RAD51B: variants seen among roughly 807,000 people sequenced by gnomAD.
RAD51B encodes the protein DNA repair protein RAD51 homolog 2.
Under a neutral mutation model 42.2 loss-of-function variants are expected in RAD51B, and 38 were observed. The ratio of observed to expected loss-of-function variants is 0.90; its 90% CI spans 0.70 to 1.18. The LOEUF is 1.18. Ranked by LOEUF, RAD51B falls within the 50% of genes most tolerant of loss-of-function variation. The pLI is 0.00. For synonymous variants in RAD51B, 154 were observed against 145.2 expected (o/e 1.06, Z -0.43); for missense variants, 373 against 400.7 (o/e 0.93, Z 0.59).
At chr14:68,257,359 A>G (rs2139525438) in intron 7 of RAD51B, among the ~76,000 whole-genome samples, 1 of 152,320 alleles carries the variant, frequency 6.6e-6, no homozygotes, top group East Asian at 1.9e-4. Flanking sequence ...ATTACGCTAC[A>G]TATTTTACCA....
intron 9 of RAD51B, among the ~76,000 whole-genome samples, chr14:68,446,612 G>A (rs1432682432): frequency 6.6e-6 from 1 of 152,156 alleles, no homozygotes; most frequent in Non-Finnish European, 1.5e-5. Flanking sequence ...AACAATAAGA[G>A]TTGCTAAATT....
intron 8 of RAD51B, among the ~76,000 whole-genome samples, chr14:68,410,281 A>G (rs1165739339): frequency 6.6e-6 from 1 of 152,100 alleles, no homozygotes; most frequent in Non-Finnish European, 1.5e-5. Flanking sequence ...CAGTTAGTAG[A>G]CCACCCTGAA....
At chr14:68,291,375 G>A (rs746611245) in intron 7 of RAD51B, among the ~76,000 whole-genome samples, 2 of 151,116 alleles carry the variant, frequency 1.3e-5, no homozygotes, top group Non-Finnish European at 1.5e-5. Context: ...GACTAATTTT[G>A]TATTTTTAGT....
chr14:68,621,852 A>C (rs1280291174), intron 10 of RAD51B, among the ~76,000 whole-genome samples: 1 of 152,258 alleles, frequency 6.6e-6, no homozygotes, highest in Non-Finnish European at 1.5e-5. Flanking sequence ...GGTTCTGTGC[A>C]CAGTGACAAT....
rs2082266616 is a variant in RAD51B at position 68,327,221 on chromosome 14, C to A, written c.853+35241C>A. On this transcript the variant is annotated intron_variant, in intron 8 of 10. Transcript: ENST00000471583. ...GATTTAAAGTATTTCTGCCATAGTT[C>A]TTAAACTATCAATCTGATGATGTCA... is the stretch of plus-strand genomic sequence containing the variant. Among the ~76,000 whole-genome samples the A allele has an allele frequency of 2.0e-5, 3 of 152,108 alleles. 1 individual carries two copies. Among genetic ancestry groups the A allele is most frequent in the Admixed American group, 2.0e-4 (3 of 15,288 alleles).
intron 9 of RAD51B, among the ~76,000 whole-genome samples, chr14:68,444,191 C>T (rs1373589271): frequency 1.3e-5 from 2 of 152,230 alleles, no homozygotes; most frequent in Non-Finnish European, 2.9e-5. Context: ...CAAGTCACAG[C>T]ACAGTGCCTG....
At chr14:68,604,982 C>G (rs1294169674) in intron 10 of RAD51B, among the ~76,000 whole-genome samples, 1 of 152,214 alleles carries the variant, frequency 6.6e-6, no homozygotes, top group East Asian at 1.9e-4. Context: ...CTGCTGGCAT[C>G]AAGCCAGCAA....
intron 7 of RAD51B, among the ~76,000 whole-genome samples, chr14:68,122,983 A>G (rs1378005833): frequency 6.6e-6 from 1 of 151,850 alleles, no homozygotes; most frequent in Non-Finnish European, 1.5e-5. Context: ...ACACACACAG[A>G]CACACACACA....
intron 7 of RAD51B, among the ~76,000 whole-genome samples, chr14:67,989,385 C>T (rs1481003827): frequency 1.3e-5 from 2 of 151,882 alleles, no homozygotes; most frequent in African/African-American, 2.4e-5. Flanking sequence ...GCCTGTAATC[C>T]CAGCACTTTG....
chr14:68,438,631 A>G (rs1020416696), intron 9 of RAD51B, among the ~76,000 whole-genome samples: 1 of 152,162 alleles, frequency 6.6e-6, no homozygotes, highest in Admixed American at 6.5e-5. Flanking sequence ...ACCACTGTTT[A>G]TAGCACATCA....
chr14:68,036,988 G>T (rs866361615), intron 7 of RAD51B, among the ~76,000 whole-genome samples: 1 of 147,502 alleles, frequency 6.8e-6, no homozygotes. Context: ...ATCCATAATT[G>T]CTGATTGGGA....
intron 8 of RAD51B, among the ~76,000 whole-genome samples, chr14:68,410,334 A>G (rs2084383636): frequency 6.6e-6 from 1 of 152,170 alleles, no homozygotes; most frequent in South Asian, 2.1e-4. Context: ...CCTACTCCAC[A>G]CTGAGGCGTA....
intron 7 of RAD51B, among the ~76,000 whole-genome samples, chr14:68,267,502 AT>A (rs1284414614): frequency 1.3e-5 from 2 of 152,158 alleles, no homozygotes; most frequent in Non-Finnish European, 2.9e-5. Flanking sequence ...AAATGAAAGA[AT>A]TTGTGTGTAA....
At chr14:67,899,858 T>A (rs1035699732) in intron 7 of RAD51B, among the ~76,000 whole-genome samples, 1 of 152,234 alleles carries the variant, frequency 6.6e-6, no homozygotes, top group African/African-American at 2.4e-5. Flanking sequence ...AGAGGTTAAA[T>A]AACTTTACCA....
chr14:68,254,429 A>G (rs1054237925), intron 7 of RAD51B, among the ~76,000 whole-genome samples: 3 of 152,140 alleles, frequency 2.0e-5, no homozygotes, highest in Admixed American at 6.5e-5. Context: ...GAAATTGATT[A>G]TTTCCTTCAA....
chr14:68,005,415 A>G (rs912133708), intron 7 of RAD51B, among the ~76,000 whole-genome samples: 3 of 152,152 alleles, frequency 2.0e-5, no homozygotes, highest in African/African-American at 4.8e-5. Flanking sequence ...TAGGGCTGCT[A>G]TGGACATTTT....
intron 7 of RAD51B, chr14:68,069,498 T>C (rs1294727365): frequency 2.0e-5 from 3 of 152,178 alleles, no homozygotes; most frequent in African/African-American, 7.2e-5. Context: ...CCATGTGTAC[T>C]GAATATTTAG....
chr14:68,050,452 C>A (rs1001712237), intron 7 of RAD51B, among the ~76,000 whole-genome samples: 1 of 151,928 alleles, frequency 6.6e-6, no homozygotes, highest in African/African-American at 2.4e-5. Flanking sequence ...TTTTTTTCTT[C>A]ATAGCATTGC....
intron 5 of RAD51B, among the ~76,000 whole-genome samples, chr14:67,871,565 G>A (rs1225904165): frequency 6.6e-6 from 1 of 152,098 alleles, no homozygotes; most frequent in African/African-American, 2.4e-5. Context: ...GAAAAAGAGG[G>A]AATCCTCCCT....
Sources: allele counts gnomAD v4.1 joint callset (sites outside exome capture counted in the v4.1 genomes callset), GRCh38; gene constraint gnomAD v4.1.1; transcripts MANE v1.5; gene names NCBI Gene and HGNC (gene_info 2026-07-23, HGNC 2026-07-21).